HEATR5B: variants seen among roughly 807,000 people sequenced by gnomAD.
HEATR5B encodes the protein HEAT repeat-containing protein 5B.
HEATR5B carries 156 observed loss-of-function variants against 224.1 expected under a neutral mutation model. The observed-to-expected ratio is 0.70, with a 90% confidence interval of 0.61 to 0.80. HEATR5B has a LOEUF of 0.80. Among genes scored for constraint, HEATR5B ranks in the 30% least tolerant of loss-of-function variants. HEATR5B has a pLI of 0.00. For synonymous variants in HEATR5B, 1,027 were observed against 893.0 expected, an observed-to-expected ratio of 1.15 and a Z score of -2.68; for missense variants, 2,323 against 2,535.5, an observed-to-expected ratio of 0.92 and a Z score of 1.80.
chr2:37,056,654 T>C (rs1290695804), intron 15 of HEATR5B, 39 bp from the exon 16 acceptor site: 5 of 1,519,334 alleles, frequency 3.3e-6, no homozygotes, highest in Middle Eastern at 1.8e-4. Flanking sequence ...AAAATCTACT[T>C]TAGGAAATCT....
At chr2:37,026,200 G>A (rs1041301784) in intron 24 of HEATR5B, among the ~76,000 whole-genome samples, 6 of 152,268 alleles carry the variant, frequency 3.9e-5, no homozygotes, top group South Asian at 2.1e-4. Context: ...AGAGGGAGCC[G>A]TGAGCCAGGG....
chr2:37,007,512 T>G (rs1667508437), intron 28 of HEATR5B, among the ~76,000 whole-genome samples: 1 of 152,028 alleles, frequency 6.6e-6, no homozygotes, highest in East Asian at 1.9e-4. Context: ...CCCAGCTAAT[T>G]TTTTGTATTT....
intron 3 of HEATR5B, among the ~76,000 whole-genome samples, 165 bp from the exon 4 acceptor site, chr2:37,077,184 T>C (rs942148769): frequency 2.0e-5 from 3 of 152,232 alleles, no homozygotes; most frequent in African/African-American, 7.2e-5. Flanking sequence ...ACAAATACTA[T>C]ACTCTATTTA....
chr2:37,072,024 A>C, intron 6 of HEATR5B, 86 bp downstream of exon 6: 1 of 1,116,490 alleles, frequency 9.0e-7, no homozygotes, highest in East Asian at 2.6e-5. Flanking sequence ...AAGATACCTA[A>C]AAATTTAAAT....
At chr2:37,011,755 T>C (rs989163294) in intron 27 of HEATR5B, among the ~76,000 whole-genome samples, 3 of 152,210 alleles carry the variant, frequency 2.0e-5, no homozygotes, top group African/African-American at 7.2e-5. Flanking sequence ...TTGGGAATCC[T>C]AGAAAGATGA....
At position 37,007,202 on chromosome 2, in the gene HEATR5B, G is replaced by A; in HGVS notation, c.4625C>T (p.Thr1542Ile). The A allele has an allele frequency of 2.5e-6, 4 of 1,614,070 alleles. No homozygotes were observed. Among genetic ancestry groups the A allele is most frequent in the Non-Finnish European group, 3.4e-6 (4 of 1,180,018 alleles). The change falls in exon 29 of 36, where the codon ACA becomes ATA. Residue 1542 changes from threonine to isoleucine, a missense_variant. Physicochemically the swap from Thr to Ile is moderately conservative, Grantham distance 89 (BLOSUM62 -1). Coordinates refer to ENST00000233099, the MANE Select transcript of HEATR5B (RefSeq NM_019024.3). ...TGTAGACTCTGAGCACGTAAATCCT[G>A]TGCTATTTAACCAAAGTGCCACCGC... ...LHAVALWLNS[T>I]GFTCSESTEA... is the part of the protein sequence containing the mutation.
intron 29 of HEATR5B, among the ~76,000 whole-genome samples, chr2:37,006,187 T>G (rs1176055198): frequency 6.6e-6 from 1 of 152,222 alleles, no homozygotes; most frequent in Non-Finnish European, 1.5e-5. Context: ...ACAACTGCTT[T>G]TAATTTACAT....
At position 37,072,140 on chromosome 2, in the gene HEATR5B, C is replaced by A. The variant is rs775864579; in HGVS notation, c.739G>T (p.Ala247Ser). The A allele has an allele frequency of 2.5e-6, 4 of 1,613,990 alleles. No homozygotes were observed. The highest frequency in any genetic ancestry group is 3.4e-6 in the Non-Finnish European group (4 of 1,179,934). Reference sequence around the variant, plus strand: ...GCCTGTTTTGGCATTAATGCTGTGGCCATGACTGTTCCTAAAAGTTTAGAC... The same window carrying A: ...GCCTGTTTTGGCATTAATGCTGTGGACATGACTGTTCCTAAAAGTTTAGAC... ...AVSKLLGTVM[A>S]TALMPKQATV... Residue 247 changes from alanine to serine, a missense_variant, in exon 6 of 36, where the codon GCC (alanine) becomes TCC (serine). Ala to Ser is a moderately conservative substitution (Grantham distance 99, BLOSUM62 1). Transcript: ENST00000233099.
intron 5 of HEATR5B, 44 bp downstream of exon 5, chr2:37,075,441 C>A (rs1672167499): frequency 2.7e-6 from 4 of 1,481,980 alleles, no homozygotes; most frequent in Admixed American, 2.3e-5. Context: ...TGTTTAAGAG[C>A]AAGAAGGATA....
intron 21 of HEATR5B, among the ~76,000 whole-genome samples, chr2:37,036,915 A>G (rs1669517090): frequency 6.6e-6 from 1 of 151,844 alleles, no homozygotes; most frequent in Non-Finnish European, 1.5e-5. Flanking sequence ...TTTGTAAATA[A>G]TATTTTTCCA....
At position 37,072,218 on chromosome 2, in the gene HEATR5B, T is replaced by C. The variant is rs181646114; in HGVS notation, c.661A>G (p.Thr221Ala). 2 of 1,613,528 alleles carry C rather than the reference T, an allele frequency of 1.2e-6. No homozygotes were observed. Among genetic ancestry groups the C allele is most frequent in the Non-Finnish European group, 1.7e-6 (2 of 1,179,602 alleles). The change falls in exon 6 of 36, where the codon ACT (threonine) becomes GCT (alanine). Residue 221 changes from threonine (T) to alanine (A), a missense_variant. By Grantham distance (58) the Thr-to-Ala change is moderately conservative (BLOSUM62 0). Transcript: ENST00000233099. The part of the protein sequence containing the change: ...MWTAELENIA[T>A]LCFKALENSN... ...TTTTCCAAAGCCTTAAAGCAGAGAG[T>C]GGCTATATTTTCTAGTTCAGCAGTC...
chr2:37,059,457 T>TAC (rs1671133795), intron 12 of HEATR5B, among the ~76,000 whole-genome samples: 10 of 112,350 alleles, frequency 8.9e-5, no homozygotes, highest in Non-Finnish European at 1.4e-4. Context: ...TATATATATA[T>TAC]ATATATATTT....
intron 34 of HEATR5B, 35 bp from the exon 35 acceptor site, chr2:36,988,894 G>T: frequency 6.9e-7 from 1 of 1,459,292 alleles, no homozygotes; most frequent in Non-Finnish European, 9.6e-7. Context: ...ATTAACATGT[G>T]TATAGTTCTT....
At chr2:37,061,343 T>A (rs1355946521) in intron 11 of HEATR5B, among the ~76,000 whole-genome samples, 1 of 152,204 alleles carries the variant, frequency 6.6e-6, no homozygotes, top group Non-Finnish European at 1.5e-5. Context: ...GAAAAGTAGG[T>A]CAAAGTATAA....
chr2:37,036,517 T>G (rs201937247), intron 21 of HEATR5B, among the ~76,000 whole-genome samples: 3 of 24,328 alleles, frequency 1.2e-4, no homozygotes, highest in African/African-American at 3.6e-4. Flanking sequence ...ATATCAATTG[T>G]TTTTTTTTTT....
chr2:37,038,910 G>A (rs563001366), intron 20 of HEATR5B, among the ~76,000 whole-genome samples: 5 of 131,076 alleles, frequency 3.8e-5, no homozygotes, highest in East Asian at 3.0e-4. Flanking sequence ...CCTGGGGTGG[G>A]GGGGGTGGGG....
chr2:37,032,650 C>T lies in HEATR5B; in HGVS notation c.3340G>A (p.Asp1114Asn), dbSNP rs750981860. ...YAMSLAKNTG[D>N]KESSSANVSP... The stretch of plus-strand genomic sequence containing the variant: ...TTACTGGCACTACTGCTCTCTTTGT[C>T]CCCTGTATTTTTTGCCAGGCTCATG... Residue 1114 changes from aspartate to asparagine, a missense_variant, in exon 22 of 36, where the codon GAC (aspartate) becomes AAC (asparagine). Transcript: ENST00000233099. The T allele has an allele frequency of 8.1e-6, 13 of 1,613,688 alleles. No homozygotes were observed. The highest frequency in any genetic ancestry group is 1.0e-5 in the Non-Finnish European group (12 of 1,179,898).
At chr2:37,066,738 G>C (rs568997100) in intron 8 of HEATR5B, among the ~76,000 whole-genome samples, 2 of 151,836 alleles carry the variant, frequency 1.3e-5, no homozygotes, top group East Asian at 3.9e-4. Context: ...ATCAAATAAC[G>C]AATTTATGAC....
At chr2:36,993,729 A>G (rs1313991935) in intron 33 of HEATR5B, among the ~76,000 whole-genome samples, 1 of 152,134 alleles carries the variant, frequency 6.6e-6, no homozygotes, top group African/African-American at 2.4e-5. Flanking sequence ...ACAAAGCAAC[A>G]TTACAAAGCA....
Sources: gnomAD v4.1 joint callset for allele counts (sites outside exome capture counted in the v4.1 genomes callset) on GRCh38, gnomAD v4.1.1 for gene constraint, MANE v1.5 for transcripts, NCBI Gene and HGNC (gene_info 2026-07-23, HGNC 2026-07-21) for gene names.